The following SLC44A5 variants were observed in gnomAD, a reference collection of about 807,000 sequenced individuals.
SLC44A5 encodes choline transporter-like protein 5.
In SLC44A5, 57 loss-of-function variants were observed where a neutral mutation model predicts 101.8. That is an observed-to-expected ratio of 0.56 (90% CI 0.45 to 0.70). SLC44A5 has a LOEUF of 0.70. SLC44A5 is among the 30% of genes least tolerant of loss of function. SLC44A5 has a pLI of 0.00. For synonymous variants in SLC44A5, 281 were observed against 290.9 expected (o/e 0.97, Z 0.35); for missense variants, 737 against 853.1 (o/e 0.86, Z 1.70).
chr1:75,622,763 G>A, the SLC44A5 span, among the ~76,000 whole-genome samples: 2 of 152,016 alleles, frequency 1.3e-5, no homozygotes, highest in Non-Finnish European at 2.9e-5. Flanking sequence ...GCCTGCTCAA[G>A]GACAGAATTT....
At chr1:75,386,371 C>T (rs1214074649) in intron 3 of SLC44A5, among the ~76,000 whole-genome samples, 1 of 152,136 alleles carries the variant, frequency 6.6e-6, no homozygotes, top group Non-Finnish European at 1.5e-5. Flanking sequence ...TCTCAGGATA[C>T]AAAATCAATG....
intron 2 of SLC44A5, among the ~76,000 whole-genome samples, chr1:75,503,792 A>G (rs147594825): frequency 6.6e-6 from 1 of 152,306 alleles, no homozygotes; most frequent in African/African-American, 2.4e-5. Flanking sequence ...CTACTCTGAC[A>G]ATAATACTCG....
At chr1:75,288,663 C>G (rs778226372) in intron 5 of SLC44A5, among the ~76,000 whole-genome samples, 1 of 152,222 alleles carries the variant, frequency 6.6e-6, no homozygotes, top group Non-Finnish European at 1.5e-5. Context: ...ACCAAGTCAT[C>G]GCCTTAATTT....
At chr1:75,212,002 A>G (rs1646867963) in intron 22 of SLC44A5, among the ~76,000 whole-genome samples, 1 of 151,970 alleles carries the variant, frequency 6.6e-6, no homozygotes, top group Non-Finnish European at 1.5e-5. Context: ...TCCAGATAAC[A>G]GAACAACCCT....
chr1:75,485,073 A>G (rs1668081335), intron 2 of SLC44A5, among the ~76,000 whole-genome samples: 4 of 152,192 alleles, frequency 2.6e-5, no homozygotes, highest in African/African-American at 9.6e-5. Flanking sequence ...CATTTTCCCC[A>G]TTGTCTTGGC....
At chr1:75,444,664 C>G (rs918811268) in intron 2 of SLC44A5, among the ~76,000 whole-genome samples, 1 of 150,658 alleles carries the variant, frequency 6.6e-6, no homozygotes, top group Admixed American at 6.6e-5. Flanking sequence ...ATAGATGCAG[C>G]AAGAGATAGC....
the SLC44A5 span, among the ~76,000 whole-genome samples, chr1:75,689,736 C>A: frequency 6.6e-6 from 1 of 152,214 alleles, no homozygotes; most frequent in Non-Finnish European, 1.5e-5. Context: ...ACCACTCAAA[C>A]CATCTGAGAC....
intron 2 of SLC44A5, among the ~76,000 whole-genome samples, chr1:75,526,313 A>T (rs1434051946): frequency 6.6e-6 from 1 of 152,216 alleles, no homozygotes; most frequent in Non-Finnish European, 1.5e-5. Context: ...TCTAGTGGCA[A>T]AAACAGTTAA....
intron 2 of SLC44A5, among the ~76,000 whole-genome samples, chr1:75,479,125 A>C (rs1667644478): frequency 6.6e-6 from 1 of 152,216 alleles, no homozygotes; most frequent in East Asian, 1.9e-4. Context: ...CTACATGGAA[A>C]CTGAACAACC....
At chr1:75,537,029 A>AG (rs1228367756) in intron 2 of SLC44A5, among the ~76,000 whole-genome samples, 2 of 25,196 alleles carry the variant, frequency 7.9e-5, no homozygotes, top group Non-Finnish European at 1.9e-4. Context: ...AAAAAAAAAA[A>AG]AAAAATATAT....
chr1:75,635,111 A>G, the SLC44A5 span, among the ~76,000 whole-genome samples: 1 of 151,478 alleles, frequency 6.6e-6, no homozygotes, highest in Non-Finnish European at 1.5e-5. Context: ...ACAATGAGAT[A>G]CCATCTCACA....
the SLC44A5 span, among the ~76,000 whole-genome samples, chr1:75,670,388 A>G: frequency 6.6e-6 from 1 of 152,150 alleles, no homozygotes. Context: ...AAAATTCTAG[A>G]CAACACAAAA....
chr1:75,607,531 A>G (rs926370085), intron 1 of SLC44A5, among the ~76,000 whole-genome samples: 3 of 152,038 alleles, frequency 2.0e-5, no homozygotes, highest in Non-Finnish European at 4.4e-5. Flanking sequence ...AATTATTACA[A>G]CCAAATTTAA....
intron 4 of SLC44A5, chr1:75,311,670 A>T (rs1655311936): frequency 2.0e-6 from 1 of 490,698 alleles, no homozygotes; most frequent in African/African-American, 2.1e-5. Context: ...AACCACACAG[A>T]TGAGATGCTT....
chr1:75,238,396 A>ATATATG (rs1261559610), intron 10 of SLC44A5, 117 bp downstream of exon 10: 15 of 96,106 alleles, frequency 1.6e-4, no homozygotes, highest in Non-Finnish European at 2.5e-4. Flanking sequence ...ATATATATAT[A>ATATATG]TATATATATA....
intron 4 of SLC44A5, among the ~76,000 whole-genome samples, chr1:75,316,539 T>C (rs1655703455): frequency 6.6e-6 from 1 of 152,218 alleles, no homozygotes; most frequent in South Asian, 2.1e-4. Context: ...GTCTCTATCA[T>C]TTGAATACGG....
chr1:75,247,313 T>C (rs985343351), intron 7 of SLC44A5, among the ~76,000 whole-genome samples: 8 of 152,062 alleles, frequency 5.3e-5, no homozygotes, highest in African/African-American at 1.9e-4. Flanking sequence ...CTGGCATTAA[T>C]TGAGACAGGG....
Position 75,439,480 on chromosome 1 carries a change from G to A in SLC44A5, c.14-42859C>T, listed in dbSNP as rs1665072577. 2.6e-5 allele frequency among the ~76,000 whole-genome samples: 4 copies of A among 152,226 alleles called. No individual in the cohort carries two copies. The South Asian group carries it at 8.3e-4, about 32-fold the overall frequency. On this transcript the variant is annotated intron_variant, in intron 2 of 23. Coordinates refer to ENST00000370859, the MANE Select transcript of SLC44A5 (RefSeq NM_001130058.2). The stretch of plus-strand genomic sequence containing the variant: ...TGCCTGTAATCCAAGCTACTCAGGA[G>A]GCTGAGGCAGGAGGATCACTTGAGC...
intron 3 of SLC44A5, chr1:75,353,923 A>C (rs1658873289): frequency 4.1e-6 from 1 of 242,190 alleles, no homozygotes; most frequent in Admixed American, 5.5e-5. Flanking sequence ...AAAAACAGTA[A>C]TATGGGGTAA....
Sources: gnomAD v4.1 joint callset for allele counts (sites outside exome capture counted in the v4.1 genomes callset) on GRCh38, gnomAD v4.1.1 for gene constraint, MANE v1.5 for transcripts, NCBI Gene and HGNC (gene_info 2026-07-23, HGNC 2026-07-21) for gene names.